Variants in SGCZ observed in about 807,000 individuals in gnomAD.
SGCZ encodes the protein sarcoglycan zeta, also known as zeta-sarcoglycan.
Under a neutral mutation model 41.3 loss-of-function variants are expected in SGCZ, and 40 were observed. The ratio of observed to expected loss-of-function variants is 0.97; its 90% CI spans 0.75 to 1.26. The LOEUF is 1.26. SGCZ is among the 50% of genes most tolerant of loss of function. The pLI is 0.00. For missense variants in SGCZ, 552 were observed against 369.8 expected, an observed-to-expected ratio of 1.49 and a Z score of -4.04; for synonymous variants, 206 against 137.5, an observed-to-expected ratio of 1.50 and a Z score of -3.49.
At chr8:14,985,248 C>T (rs1801792658) in intron 1 of SGCZ, among the ~76,000 whole-genome samples, 1 of 151,784 alleles carries the variant, frequency 6.6e-6, no homozygotes, top group Non-Finnish European at 1.5e-5. Flanking sequence ...CTATATTATC[C>T]CTTAGAATGG....
intron 1 of SGCZ, among the ~76,000 whole-genome samples, chr8:15,161,664 A>G (rs1338732465): frequency 6.6e-6 from 1 of 152,220 alleles, no homozygotes; most frequent in African/African-American, 2.4e-5. Context: ...AGAAACCAAA[A>G]AATTTCAACT....
At chr8:15,145,300 T>A (rs189842346) in intron 1 of SGCZ, among the ~76,000 whole-genome samples, 132 of 152,298 alleles carry the variant, frequency 8.7e-4, no homozygotes, top group African/African-American at 3.1e-3. Flanking sequence ...ACTAAAATAT[T>A]ATTTGGTAAT....
chr8:14,942,397 G>A (rs371360634), intron 1 of SGCZ, among the ~76,000 whole-genome samples: 2 of 152,090 alleles, frequency 1.3e-5, no homozygotes, highest in African/African-American at 4.8e-5. Context: ...CTAGTTAGTA[G>A]CAGTTAGCAA....
chr8:14,197,165 G>A (rs1461172216), intron 4 of SGCZ, among the ~76,000 whole-genome samples: 5 of 152,128 alleles, frequency 3.3e-5, no homozygotes, highest in East Asian at 1.9e-4. Context: ...GTGAAGGTCC[G>A]GATGGCTTTC....
chr8:14,403,439 C>T (rs898630923), intron 2 of SGCZ, among the ~76,000 whole-genome samples: 1 of 151,600 alleles, frequency 6.6e-6, no homozygotes, highest in South Asian at 2.1e-4. Flanking sequence ...TCATAGATAG[C>T]TCTTATTATT....
At chr8:14,349,562 C>T (rs1019929770) in intron 2 of SGCZ, among the ~76,000 whole-genome samples, 6 of 152,092 alleles carry the variant, frequency 3.9e-5, no homozygotes, top group African/African-American at 7.2e-5. Flanking sequence ...ATTCTCCCAT[C>T]TCCAACATTG....
chr8:14,462,571 A>G (rs1477269054), intron 2 of SGCZ, among the ~76,000 whole-genome samples: 1 of 151,918 alleles, frequency 6.6e-6, no homozygotes, highest in African/African-American at 2.4e-5. Flanking sequence ...ATTCTATTCC[A>G]TTGGTCTATG....
At chr8:14,497,270 G>A (rs545582189) in intron 2 of SGCZ, among the ~76,000 whole-genome samples, 3 of 152,282 alleles carry the variant, frequency 2.0e-5, no homozygotes, top group African/African-American at 7.2e-5. Flanking sequence ...AAGGCCTGAA[G>A]CTTATAATCA....
Position 14,090,443 on chromosome 8 carries a change from T to C in SGCZ, c.939A>G (p.Ter313TrpextTer3). ...CTGGTGTGAGGAGAAATCAGTCACT[T>C]CAGCTCCACAGGCAGATGTTGCTAC... ...QSSSNICLWS* is the reference protein window; with the variant it reads ...QSSSNICLWSW Residue 313 changes from the stop codon to tryptophan, a stop_lost, in exon 8 of 8, where the codon TGA becomes TGG. Coordinates refer to ENST00000382080, the MANE Select transcript of SGCZ (RefSeq NM_139167.4). The C allele has an allele frequency of 6.2e-7, 1 of 1,611,260 alleles. No homozygotes were observed. Among genetic ancestry groups the C allele is most frequent in the Non-Finnish European group, 8.5e-7 (1 of 1,178,502 alleles).
At chr8:14,330,710 C>A (rs1042085726) in intron 2 of SGCZ, among the ~76,000 whole-genome samples, 2 of 151,784 alleles carry the variant, frequency 1.3e-5, no homozygotes, top group African/African-American at 4.8e-5. Context: ...CTTGAGTTAC[C>A]TGAAATTAGA....
At chr8:14,795,072 A>G (rs1801080372) in intron 1 of SGCZ, among the ~76,000 whole-genome samples, 1 of 152,206 alleles carries the variant, frequency 6.6e-6, no homozygotes, top group Non-Finnish European at 1.5e-5. Context: ...ACCAAGCAAG[A>G]GTTCCCTAGA....
chr8:14,240,511 T>C (rs2117177291), intron 3 of SGCZ, among the ~76,000 whole-genome samples: 1 of 151,804 alleles, frequency 6.6e-6, no homozygotes, highest in Admixed American at 6.6e-5. Context: ...GAATTAAAAT[T>C]TTATATCTAG....
chr8:14,132,362 A>T (rs1377104629), intron 5 of SGCZ, among the ~76,000 whole-genome samples: 2 of 152,152 alleles, frequency 1.3e-5, no homozygotes, highest in Non-Finnish European at 2.9e-5. Context: ...TTGCAACAAA[A>T]TACAAATTTC....
intron 2 of SGCZ, among the ~76,000 whole-genome samples, chr8:14,380,586 G>A (rs1461655948): frequency 6.6e-6 from 1 of 152,164 alleles, no homozygotes; most frequent in African/African-American, 2.4e-5. Context: ...AGGCGTGGTG[G>A]CTCATGCCTG....
chr8:15,098,080 C>T (rs541397237), intron 1 of SGCZ, among the ~76,000 whole-genome samples: 2 of 151,692 alleles, frequency 1.3e-5, no homozygotes, highest in East Asian at 3.9e-4. Flanking sequence ...TGTCTATAGC[C>T]TTGAATATGA....
At chr8:15,208,816 A>G (rs1023262977) in intron 1 of SGCZ, among the ~76,000 whole-genome samples, 1 of 152,056 alleles carries the variant, frequency 6.6e-6, no homozygotes, top group Admixed American at 6.6e-5. Flanking sequence ...AGGGATACAT[A>G]TATATCCACA....
Position 15,205,390 on chromosome 8 carries a change from G to A in SGCZ, c.39+32195C>T, listed in dbSNP as rs544461696. Among the ~76,000 whole-genome samples the A allele has an allele frequency of 2.0e-5, 3 of 152,128 alleles. No homozygotes were observed. The South Asian group carries it at 6.2e-4, about 32-fold the overall frequency. On this transcript the variant is annotated intron_variant, in intron 1 of 7. Transcript: ENST00000382080. ...AGGTCTAATATCCAGCATCTATAAG[G>A]AACTTAAATTTATAAAAGAAGAACA...
chr8:14,343,671 G>A (rs913722412), intron 2 of SGCZ, among the ~76,000 whole-genome samples: 1 of 152,156 alleles, frequency 6.6e-6, no homozygotes, highest in Admixed American at 6.5e-5. Flanking sequence ...ATAGAGGATT[G>A]TATCTTAGAG....
At chr8:15,127,738 C>A (rs1025850099) in intron 1 of SGCZ, among the ~76,000 whole-genome samples, 4 of 152,130 alleles carry the variant, frequency 2.6e-5, no homozygotes, top group African/African-American at 9.7e-5. Context: ...ATAGATTATA[C>A]TCCATATGTG....
Sources: allele counts gnomAD v4.1 joint callset (sites outside exome capture counted in the v4.1 genomes callset), GRCh38; gene constraint gnomAD v4.1.1; transcripts MANE v1.5; gene names NCBI Gene and HGNC (gene_info 2026-07-23, HGNC 2026-07-21).